STK38L: variants seen among roughly 807,000 people sequenced by gnomAD.
STK38L encodes serine/threonine-protein kinase 38-like.
A neutral mutation model predicts 59.7 loss-of-function variants in STK38L; 28 were observed. The observed-to-expected ratio is 0.47, with a 90% CI of 0.35 to 0.64. The LOEUF (loss-of-function observed/expected upper bound fraction) is 0.64. Among genes scored for constraint, STK38L ranks in the 30% least tolerant of loss-of-function variants. The pLI is 0.01. For missense variants in STK38L, 314 were observed against 555.8 expected, an observed-to-expected ratio of 0.56 and a Z score of 4.37; for synonymous variants, 162 against 176.8, an observed-to-expected ratio of 0.92 and a Z score of 0.66.
At chr12:27,272,544 G>A (rs934750225) in intron 1 of STK38L, among the ~76,000 whole-genome samples, 1 of 152,230 alleles carries the variant, frequency 6.6e-6, no homozygotes, top group Non-Finnish European at 1.5e-5. Context: ...GCATCACACA[G>A]ATTGAATTCC....
chr12:27,277,395 CACACA>C, intron 1 of STK38L, among the ~76,000 whole-genome samples: 1 of 1,632 alleles, frequency 6.1e-4, no homozygotes, highest in South Asian at 0.038. Flanking sequence ...GAAGGAACCA[CACACA>C]CACACACACA....
intron 12 of STK38L, 57 bp downstream of exon 12, chr12:27,319,480 G>A: frequency 3.3e-6 from 4 of 1,226,322 alleles, no homozygotes; most frequent in South Asian, 2.7e-5. Flanking sequence ...TTCTAGAGTT[G>A]GCAATTAATT....
chr12:27,317,731 T>C (rs1944620857), intron 10 of STK38L, 165 bp from the exon 11 acceptor site: 2 of 881,472 alleles, frequency 2.3e-6, no homozygotes, highest in East Asian at 5.2e-5. Flanking sequence ...TCCTTTATTT[T>C]ATTGACTTTA....
chr12:27,302,813 G>A (rs982882982), intron 3 of STK38L, among the ~76,000 whole-genome samples: 2 of 151,640 alleles, frequency 1.3e-5, no homozygotes, highest in African/African-American at 2.4e-5. Context: ...GAGGTCAGGA[G>A]ATCGAGACCA....
chr12:27,294,681 G>A (rs1172877593), intron 1 of STK38L, among the ~76,000 whole-genome samples: 1 of 150,468 alleles, frequency 6.6e-6, no homozygotes, highest in African/African-American at 2.4e-5. Flanking sequence ...TTCTATACAC[G>A]ATCCCTGTTT....
Position 27,322,560 on chromosome 12 carries a change from G to C in STK38L, c.*105G>C, listed in dbSNP as rs1448381092. 1 of 1,431,370 alleles carries C rather than the reference G, an allele frequency of 7.0e-7. No individual in the cohort carries two copies. Among genetic ancestry groups the C allele is most frequent in the East Asian group, 2.4e-5 (1 of 41,840 alleles). 88.7% of individuals were successfully genotyped at this position (1,431,370 alleles called of 1,614,324 possible). A position where few individuals can be genotyped will look rare whatever the true frequency, so the allele number is the denominator to read the frequency against. On this transcript the variant is annotated 3_prime_UTR_variant, in exon 14 of 14. Transcript: ENST00000389032. ...CTGAAATACTCCTGAAGATGGTGGT[G>C]CTTATTGACTACAAGAGGAAATTCT... is the stretch of plus-strand genomic sequence containing the variant.
intron 1 of STK38L, among the ~76,000 whole-genome samples, chr12:27,291,117 G>A (rs147857659): frequency 1.3e-5 from 2 of 152,194 alleles, no homozygotes; most frequent in East Asian, 3.9e-4. Context: ...AGAATTCTGG[G>A]TACTTGGGTA....
At chr12:27,268,813 A>G (rs562356979) in intron 1 of STK38L, among the ~76,000 whole-genome samples, 63 of 152,246 alleles carry the variant, frequency 4.1e-4, no homozygotes, top group Admixed American at 3.1e-3. Flanking sequence ...TCGCCATTCT[A>G]ACTGGTGTGA....
Position 27,304,232 on chromosome 12 carries a change from C to G in STK38L, c.186+2044C>G, listed in dbSNP as rs543540751. The stretch of plus-strand genomic sequence containing the variant: ...TGAGATCATGCCATTGCACTCCAGC[C>G]TGGGTGACAGGGTGAGAGTCTGTCT... On this transcript the variant is annotated intron_variant, in intron 3 of 13. Transcript: ENST00000389032. Among the ~76,000 whole-genome samples the G allele has an allele frequency of 6.6e-5, 9 of 136,782 alleles. No individual in the cohort carries two copies. In the East Asian group the frequency reaches 1.2e-3, roughly 19 times the overall value. The allele number at this position is 136,782 out of a possible 152,430, so 89.7% of individuals were successfully genotyped here.
rs1944189670 is a variant in STK38L at position 27,302,125 on chromosome 12, T to C, written c.135-12T>C. 1.9e-6 allele frequency: 3 copies of C among 1,598,374 alleles called. No homozygotes were observed. The highest frequency in any genetic ancestry group is 1.1e-5 in the South Asian group (1 of 87,922). On this transcript the variant is annotated splice_polypyrimidine_tract_variant and intron_variant, in intron 2 of 13. Coordinates refer to ENST00000389032, the MANE Select transcript of STK38L (RefSeq NM_015000.4). The stretch of plus-strand genomic sequence containing the variant: ...ATGTATTTAAAATTTAATTTTTTTT[T>C]CCTTTGAAAAGGCAGAAGAAATTAG...
At chr12:27,246,112 C>T (rs376352733) in intron 1 of STK38L, among the ~76,000 whole-genome samples, 1 of 152,122 alleles carries the variant, frequency 6.6e-6, no homozygotes, top group East Asian at 1.9e-4. Context: ...AGTTTTTATG[C>T]TGAAAACTTG....
intron 1 of STK38L, among the ~76,000 whole-genome samples, chr12:27,268,179 C>T (rs563610033): frequency 1.3e-5 from 2 of 151,522 alleles, no homozygotes; most frequent in East Asian, 3.9e-4. Flanking sequence ...ATGTTAGTTA[C>T]ATATGTATAC....
At chr12:27,267,087 T>C (rs1027292008) in intron 1 of STK38L, among the ~76,000 whole-genome samples, 1 of 152,244 alleles carries the variant, frequency 6.6e-6, no homozygotes, top group Non-Finnish European at 1.5e-5. Flanking sequence ...AGCTCTTCTT[T>C]TATAAATAGT....
At chr12:27,263,819 A>C (rs1397500186) in intron 1 of STK38L, among the ~76,000 whole-genome samples, 1 of 152,204 alleles carries the variant, frequency 6.6e-6, no homozygotes, top group Non-Finnish European at 1.5e-5. Flanking sequence ...AACATACATG[A>C]CTGTAAATCT....
chr12:27,244,435 C>G (rs1009952933), intron 1 of STK38L, 103 bp downstream of exon 1: 1 of 152,760 alleles, frequency 6.5e-6, no homozygotes, highest in Admixed American at 6.5e-5. Context: ...CTTTGGGTGT[C>G]CAGGGAAAGC....
At chr12:27,246,519 G>A (rs1013876490) in intron 1 of STK38L, among the ~76,000 whole-genome samples, 4 of 152,296 alleles carry the variant, frequency 2.6e-5, no homozygotes, top group Admixed American at 6.5e-5. Flanking sequence ...TTATGATTAG[G>A]TTAGACTTGA....
chr12:27,252,875 T>G (rs1943007451), intron 1 of STK38L, among the ~76,000 whole-genome samples: 1 of 152,162 alleles, frequency 6.6e-6, no homozygotes, highest in African/African-American at 2.4e-5. Flanking sequence ...GGGCACTGTG[T>G]TAGGTACCAT....
chr12:27,252,536 C>T (rs1372092941), intron 1 of STK38L, among the ~76,000 whole-genome samples: 2 of 152,198 alleles, frequency 1.3e-5, no homozygotes, highest in Admixed American at 6.5e-5. Flanking sequence ...TTGCCCCTTA[C>T]GACTTTTCTG....
intron 1 of STK38L, among the ~76,000 whole-genome samples, chr12:27,283,107 A>G (rs1050407047): frequency 1.3e-5 from 2 of 152,200 alleles, no homozygotes; most frequent in Non-Finnish European, 2.9e-5. Flanking sequence ...TGTGCTTCTT[A>G]AAAAAGATGA....
Sources: gnomAD v4.1 joint callset for allele counts (sites outside exome capture counted in the v4.1 genomes callset) on GRCh38, gnomAD v4.1.1 for gene constraint, MANE v1.5 for transcripts, NCBI Gene and HGNC (gene_info 2026-07-23, HGNC 2026-07-21) for gene names.